The following PLPPR5 variants were observed in gnomAD, a reference collection of about 807,000 sequenced individuals.
PLPPR5 encodes phospholipid phosphatase-related protein type 5.
PLPPR5 carries 16 observed loss-of-function variants against 33.9 expected under a neutral mutation model. That is an observed-to-expected ratio of 0.47 (90% confidence interval 0.32 to 0.72). The LOEUF is 0.72. Among genes scored for constraint, PLPPR5 ranks in the 30% least tolerant of loss-of-function variants. The pLI is 0.03. For missense variants in PLPPR5, 301 were observed against 406.7 expected (o/e 0.74, Z 2.23); for synonymous variants, 163 against 150.3 (o/e 1.08, Z -0.62).
intron 3 of PLPPR5, among the ~76,000 whole-genome samples, chr1:98,939,159 T>A (rs1039718283): frequency 4.0e-5 from 6 of 151,704 alleles, no homozygotes; most frequent in Non-Finnish European, 2.9e-5. Flanking sequence ...TTAAATTTTT[T>A]AAATTTAACC....
At chr1:98,991,776 G>T (rs1212493736) in intron 1 of PLPPR5, among the ~76,000 whole-genome samples, 1 of 152,150 alleles carries the variant, frequency 6.6e-6, no homozygotes, top group Non-Finnish European at 1.5e-5. Context: ...AGAAACAGCT[G>T]CCTGGGGAAG....
chr1:98,934,496 T>G (rs2101181869), intron 3 of PLPPR5, among the ~76,000 whole-genome samples: 1 of 152,220 alleles, frequency 6.6e-6, no homozygotes, highest in African/African-American at 2.4e-5. Flanking sequence ...ATTTATCCAG[T>G]TTCAAATACT....
chr1:98,987,393 A>G (rs1652296980), intron 1 of PLPPR5, among the ~76,000 whole-genome samples: 1 of 151,854 alleles, frequency 6.6e-6, no homozygotes, highest in Non-Finnish European at 1.5e-5. Flanking sequence ...TGAAATTCCT[A>G]AAAATCTGAT....
chr1:98,913,092 CCTAA>C (rs1023863179), intron 5 of PLPPR5, among the ~76,000 whole-genome samples: 15 of 152,082 alleles, frequency 9.9e-5, no homozygotes, highest in Admixed American at 6.5e-4. Context: ...TTTGTTTTGT[CCTAA>C]CTGTTATCTC....
chr1:98,980,685 C>T (rs955111426), intron 1 of PLPPR5, among the ~76,000 whole-genome samples: 1 of 152,004 alleles, frequency 6.6e-6, no homozygotes, highest in Non-Finnish European at 1.5e-5. Context: ...ATATGTTACA[C>T]TTTAATTTTC....
At chr1:98,975,998 T>G (rs895474548) in intron 1 of PLPPR5, among the ~76,000 whole-genome samples, 2 of 150,300 alleles carry the variant, frequency 1.3e-5, no homozygotes, top group African/African-American at 4.9e-5. Context: ...TTAAATGGAC[T>G]GTGATAGAGT....
chr1:99,000,563 C>T (rs563457139), intron 1 of PLPPR5, among the ~76,000 whole-genome samples: 7 of 152,286 alleles, frequency 4.6e-5, no homozygotes, highest in Admixed American at 2.0e-4. Flanking sequence ...TTGCTGCCTC[C>T]AAGGGGTTGT....
chr1:98,912,102 G>A (rs923974056), intron 5 of PLPPR5, among the ~76,000 whole-genome samples: 9 of 152,102 alleles, frequency 5.9e-5, no homozygotes, highest in Non-Finnish European at 1.0e-4. Flanking sequence ...TATTTAGTAA[G>A]TTAAACAAGA....
chr1:98,952,931 T>G, intron 3 of PLPPR5, 139 bp downstream of exon 3: 2 of 1,048,868 alleles, frequency 1.9e-6, no homozygotes, highest in Non-Finnish European at 2.7e-6. Flanking sequence ...CAGCTATTAT[T>G]AAAAATAGAT....
At chr1:98,996,256 A>G (rs1279557627) in intron 1 of PLPPR5, among the ~76,000 whole-genome samples, 1 of 151,990 alleles carries the variant, frequency 6.6e-6, no homozygotes, top group Non-Finnish European at 1.5e-5. Flanking sequence ...CTACAAATGT[A>G]TTATACACAC....
In PLPPR5 at chr1:98,906,648, T is replaced by A. The variant is rs77336590; in HGVS notation, c.933+8138A>T. ...AGAACACTCTGCCTAAGGAAGGAAATAGCTAACAACTGGGAACAATACTAC... is the reference window on the plus strand; with the variant it reads ...AGAACACTCTGCCTAAGGAAGGAAAAAGCTAACAACTGGGAACAATACTAC... On this transcript the variant is annotated intron_variant, in intron 5 of 5. Coordinates refer to ENST00000263177, the MANE Select transcript of PLPPR5 (RefSeq NM_001037317.2). 3.3e-3 allele frequency among the ~76,000 whole-genome samples: 497 copies of A among 152,230 alleles called. 6 individuals carry two copies. The highest frequency in any genetic ancestry group is 0.032 in the East Asian group (165 of 5,176).
At chr1:98,914,718 A>G in intron 5 of PLPPR5, 68 bp downstream of exon 5, 5 of 1,377,126 alleles carry the variant, frequency 3.6e-6, no homozygotes, top group Non-Finnish European at 5.0e-6. Flanking sequence ...CATGCTCCAG[A>G]TATACATACA....
At chr1:98,954,486 A>G (rs1344671334) in intron 2 of PLPPR5, among the ~76,000 whole-genome samples, 1 of 152,150 alleles carries the variant, frequency 6.6e-6, no homozygotes, top group Non-Finnish European at 1.5e-5. Flanking sequence ...TGTATAGTAT[A>G]TCACCATAAA....
intron 1 of PLPPR5, among the ~76,000 whole-genome samples, chr1:98,973,570 T>C (rs760716453): frequency 8.5e-5 from 13 of 152,076 alleles, no homozygotes; most frequent in Non-Finnish European, 1.5e-4. Context: ...AATTTATCAT[T>C]CAAACTACTA....
At chr1:98,914,037 T>C (rs1649251141) in intron 5 of PLPPR5, among the ~76,000 whole-genome samples, 1 of 152,206 alleles carries the variant, frequency 6.6e-6, no homozygotes, top group Non-Finnish European at 1.5e-5. Context: ...CTTTGTGCAC[T>C]GAGATTCAAC....
intron 1 of PLPPR5, among the ~76,000 whole-genome samples, chr1:98,962,672 T>C (rs1443994389): frequency 6.6e-6 from 1 of 152,030 alleles, no homozygotes; most frequent in Non-Finnish European, 1.5e-5. Flanking sequence ...GGAGACAGGG[T>C]CTCCCTCTGT....
intron 1 of PLPPR5, among the ~76,000 whole-genome samples, chr1:98,979,816 T>G (rs1370435655): frequency 6.6e-6 from 1 of 152,030 alleles, no homozygotes. Flanking sequence ...CTCATCTTAC[T>G]AAGGTATCTT....
rs1364322939 is a variant in PLPPR5, at chr1:98,956,693, C to T, written c.286G>A (p.Asp96Asn). The T allele has an allele frequency of 6.3e-7, 1 of 1,599,338 alleles. No individual in the cohort carries two copies. The highest frequency in any genetic ancestry group is 1.1e-5 in the South Asian group (1 of 87,792). Reference protein sequence around the residue: ...AVFCLQLATRDFENQEKTILT... With the variant: ...AVFCLQLATRNFENQEKTILT... ...ATAGTTTTTTCCTGGTTTTCAAAATCCCTTGTGGCTAGTTGTAGGCAAAAG... is the reference window on the plus strand; with the variant it reads ...ATAGTTTTTTCCTGGTTTTCAAAATTCCTTGTGGCTAGTTGTAGGCAAAAG... Residue 96 changes from aspartate (D) to asparagine (N), a missense_variant, in exon 2 of 6, where the codon GAT becomes AAT. Asp to Asn is a conservative substitution (Grantham distance 23, BLOSUM62 1). Transcript: ENST00000263177.
At chr1:98,968,877 G>A (rs1212822251) in intron 1 of PLPPR5, among the ~76,000 whole-genome samples, 1 of 152,042 alleles carries the variant, frequency 6.6e-6, no homozygotes, top group Non-Finnish European at 1.5e-5. Context: ...TACAAAGCCA[G>A]ACCCAATCCC....
Sources: gnomAD v4.1 joint callset for allele counts (sites outside exome capture counted in the v4.1 genomes callset) on GRCh38, gnomAD v4.1.1 for gene constraint, MANE v1.5 for transcripts, NCBI Gene and HGNC (gene_info 2026-07-23, HGNC 2026-07-21) for gene names.